POU2F1: variants seen among roughly 807,000 people sequenced by gnomAD.
The protein encoded by POU2F1 is POU domain, class 2, transcription factor 1.
In POU2F1, 16 loss-of-function variants were observed where a neutral mutation model predicts 84.9. That is an observed-to-expected ratio of 0.19 (90% CI 0.13 to 0.29). POU2F1 has a LOEUF of 0.29. Among genes scored for constraint, POU2F1 ranks in the 10% least tolerant of loss-of-function variants. The pLI is 1.00. For synonymous variants in POU2F1, 368 were observed against 368.3 expected (o/e 1.00, Z 0.01); for missense variants, 738 against 942.6 (o/e 0.78, Z 2.84).
intron 1 of POU2F1, among the ~76,000 whole-genome samples, chr1:167,222,829 A>C (rs531677149): frequency 1.5e-4 from 23 of 152,296 alleles, no homozygotes; most frequent in African/African-American, 5.5e-4. Context: ...TTATTTTCAG[A>C]GCCTATGAAA....
At chr1:167,221,754 G>C (rs1202531419) in intron 1 of POU2F1, among the ~76,000 whole-genome samples, 2 of 151,742 alleles carry the variant, frequency 1.3e-5, no homozygotes, top group South Asian at 2.1e-4. Context: ...AGGGGTGAGC[G>C]GTCGTGGGCG....
At chr1:167,222,267 C>G (rs1217195135) in intron 1 of POU2F1, among the ~76,000 whole-genome samples, 1 of 152,158 alleles carries the variant, frequency 6.6e-6, no homozygotes, top group Non-Finnish European at 1.5e-5. Flanking sequence ...GCGGTGTTTT[C>G]TCGCTGTGTG....
rs148119116 is a variant in POU2F1 at position 167,261,573 on chromosome 1, A to G, written c.61+40615A>G. Among the ~76,000 whole-genome samples, 121 of 152,358 alleles carry G rather than the reference A, an allele frequency of 7.9e-4. 1 individual carries two copies. Among genetic ancestry groups the G allele is most frequent in the Non-Finnish European group, 1.5e-3 (100 of 68,026 alleles). On this transcript the variant is annotated intron_variant, in intron 1 of 15. Transcript: ENST00000367866. ...CTGCCCTCTAGCCAAGCTTCTGATA[A>G]GCATTTTGCATTGAGGATGACCAAC...
intron 13 of POU2F1, 140 bp downstream of exon 13, chr1:167,401,696 T>A: frequency 4.0e-6 from 2 of 493,978 alleles, no homozygotes; most frequent in Non-Finnish European, 6.8e-6. Context: ...TTCTTTAAAG[T>A]AACTCCTTTC....
intron 2 of POU2F1, among the ~76,000 whole-genome samples, chr1:167,344,972 A>G (rs1335917452): frequency 6.6e-6 from 1 of 152,184 alleles, no homozygotes; most frequent in Non-Finnish European, 1.5e-5. Flanking sequence ...ACAGAAAACG[A>G]AACACCACAT....
intron 1 of POU2F1, among the ~76,000 whole-genome samples, chr1:167,278,137 C>T (rs140123151): frequency 6.6e-6 from 1 of 152,284 alleles, no homozygotes; most frequent in East Asian, 1.9e-4. Context: ...TTTTCAAACC[C>T]TCTGCACTTG....
intron 2 of POU2F1, among the ~76,000 whole-genome samples, chr1:167,335,370 GTA>G (rs1657375952): frequency 6.6e-6 from 1 of 152,152 alleles, no homozygotes. Flanking sequence ...AGAAATTTGT[GTA>G]TGTTTATAGG....
chr1:167,230,404 T>A (rs1417894063), intron 1 of POU2F1, among the ~76,000 whole-genome samples: 1 of 152,086 alleles, frequency 6.6e-6, no homozygotes, highest in African/African-American at 2.4e-5. Context: ...AAATAAGGGA[T>A]TTCAAACTTT....
chr1:167,370,276 A>G, intron 4 of POU2F1, 62 bp downstream of exon 4: 1 of 1,375,342 alleles, frequency 7.3e-7, no homozygotes, highest in Non-Finnish European at 1.0e-6. Flanking sequence ...ATTTTTCTGT[A>G]GTGAGCATAT....
chr1:167,239,665 T>C (rs1390788567), intron 1 of POU2F1, among the ~76,000 whole-genome samples: 2 of 152,210 alleles, frequency 1.3e-5, no homozygotes, highest in Admixed American at 6.5e-5. Context: ...AGTGATCACC[T>C]TAATACAGAC....
At chr1:167,232,638 T>C (rs1374890501) in intron 1 of POU2F1, among the ~76,000 whole-genome samples, 3 of 151,936 alleles carry the variant, frequency 2.0e-5, no homozygotes, top group African/African-American at 7.3e-5. Flanking sequence ...AGGTCAGGAG[T>C]TCGAGACCAG....
intron 7 of POU2F1, among the ~76,000 whole-genome samples, chr1:167,382,231 G>A (rs904764066): frequency 1.3e-5 from 2 of 152,160 alleles, no homozygotes; most frequent in Non-Finnish European, 2.9e-5. Flanking sequence ...TAGTAATCTG[G>A]TAATGGTTAA....
chr1:167,356,517 C>G (rs1658945675), intron 2 of POU2F1, among the ~76,000 whole-genome samples: 1 of 152,020 alleles, frequency 6.6e-6, no homozygotes, highest in African/African-American at 2.4e-5. Flanking sequence ...TTACCAGTGG[C>G]AAATATCCAA....
chr1:167,230,473 G>C (rs544566795), intron 1 of POU2F1, among the ~76,000 whole-genome samples: 58 of 152,164 alleles, frequency 3.8e-4, no homozygotes, highest in Middle Eastern at 6.8e-3. Flanking sequence ...ATTAAAATTG[G>C]ATATTGGAGC....
At chr1:167,235,651 A>T (rs925620868) in intron 1 of POU2F1, among the ~76,000 whole-genome samples, 1 of 152,194 alleles carries the variant, frequency 6.6e-6, no homozygotes, top group Non-Finnish European at 1.5e-5. Flanking sequence ...TGTACACATA[A>T]TTTTTAAAAA....
intron 1 of POU2F1, among the ~76,000 whole-genome samples, chr1:167,304,088 G>A (rs1007011263): frequency 6.6e-6 from 1 of 152,104 alleles, no homozygotes; most frequent in Admixed American, 6.5e-5. Context: ...TCCGACTCCA[G>A]TTCAGAATCT....
chr1:167,350,354 G>A (rs189760417), intron 2 of POU2F1, among the ~76,000 whole-genome samples: 46 of 151,950 alleles, frequency 3.0e-4, no homozygotes, highest in Middle Eastern at 6.8e-3. Flanking sequence ...TATTTTCCAG[G>A]GTTCCAGAAA....
intron 14 of POU2F1, among the ~76,000 whole-genome samples, 164 bp downstream of exon 14, chr1:167,412,468 T>C (rs546906814): frequency 3.9e-5 from 6 of 152,004 alleles, no homozygotes; most frequent in Middle Eastern, 3.4e-3. Flanking sequence ...ACTTTGATTA[T>C]AGTTGAGTTT....
At chr1:167,231,413 G>T (rs1168060028) in intron 1 of POU2F1, among the ~76,000 whole-genome samples, 1 of 152,146 alleles carries the variant, frequency 6.6e-6, no homozygotes, top group Non-Finnish European at 1.5e-5. Flanking sequence ...TATGCAGTAG[G>T]TAGTACTGAA....
Sources: gnomAD v4.1 joint callset for allele counts (sites outside exome capture counted in the v4.1 genomes callset) on GRCh38, gnomAD v4.1.1 for gene constraint, MANE v1.5 for transcripts, NCBI Gene and HGNC (gene_info 2026-07-23, HGNC 2026-07-21) for gene names.